NHLRC2: variants seen among roughly 807,000 people sequenced by gnomAD.
The protein encoded by NHLRC2 is NHL repeat-containing protein 2.
A neutral mutation model predicts 68.1 loss-of-function variants in NHLRC2; 33 were observed. The ratio of observed to expected loss-of-function variants is 0.48; its 90% CI spans 0.37 to 0.65. The LOEUF (loss-of-function observed/expected upper bound fraction) is 0.65, where lower values mean the gene tolerates loss of function less well. NHLRC2 is among the 30% of genes least tolerant of loss of function. NHLRC2 has a pLI of 0.00. For missense variants in NHLRC2, 761 were observed against 853.8 expected (o/e 0.89, Z 1.35); for synonymous variants, 311 against 309.6 (o/e 1.00, Z -0.05).
rs144243481 is a variant in NHLRC2, at chr10:113,865,525, G to A, written c.331+6845G>A. Among the ~76,000 whole-genome samples the A allele has an allele frequency of 5.1e-3, 756 of 148,034 alleles. 4 individuals carry two copies. The highest frequency in any genetic ancestry group is 0.018 in the African/African-American group (713 of 40,256). On this transcript the variant is annotated intron_variant, in intron 2 of 10. Transcript: ENST00000369301. ...GAAAAAAGGAAAAGCACGAGAAATA[G>A]TTGAGAATGCCATTGTGATAAGTGT...
In NHLRC2 at chr10:113,880,590, C is replaced by A. The variant is rs142137829; in HGVS notation, c.909+895C>A. 1.2e-3 allele frequency among the ~76,000 whole-genome samples: 183 copies of A among 151,870 alleles called. 4 individuals are homozygous for A. The East Asian group carries it at 0.03, about 25-fold the overall frequency. The stretch of plus-strand genomic sequence containing the variant: ...TTCTCACTGTTTCTTTCAGTATTGA[C>A]ATTTATTCTCATTTATTTGACAATA... On this transcript the variant is annotated intron_variant, in intron 4 of 10. Transcript: ENST00000369301.
At position 113,862,029 on chromosome 10, in the gene NHLRC2, C is replaced by T. The variant is rs191721435; in HGVS notation, c.331+3349C>T. On this transcript the variant is annotated intron_variant, in intron 2 of 10. Coordinates refer to ENST00000369301, the MANE Select transcript of NHLRC2 (RefSeq NM_198514.4). ...CTGGGATTACAGGTGCCTGCGACCA[C>T]GCCCAGCTACTTTTTGTATTTTTTT... is the stretch of plus-strand genomic sequence containing the variant. Among the ~76,000 whole-genome samples, 39 of 152,050 alleles carry T rather than the reference C, an allele frequency of 2.6e-4. 1 individual carries two copies. Among genetic ancestry groups the T allele is most frequent in the East Asian group, 1.8e-3 (9 of 5,138 alleles).
At chr10:113,900,489 T>A (rs944708455) in intron 6 of NHLRC2, among the ~76,000 whole-genome samples, 7 of 152,186 alleles carry the variant, frequency 4.6e-5, no homozygotes, top group Non-Finnish European at 1.0e-4. Flanking sequence ...AATAGGAAAT[T>A]GGCACTAGGA....
At position 113,909,407 on chromosome 10, in the gene NHLRC2, A is replaced by G. The variant is rs1301352586; in HGVS notation, c.*871A>G. On this transcript the variant is annotated 3_prime_UTR_variant, in exon 11 of 11. Coordinates refer to ENST00000369301, the MANE Select transcript of NHLRC2 (RefSeq NM_198514.4). ...TACATATCTTGTTTTGGAAATGTAC[A>G]TTTCACTTGTAAGCATTAAATGCAG... 1 of 152,128 alleles carries G rather than the reference A, an allele frequency of 6.6e-6. No homozygotes were observed. Among genetic ancestry groups the G allele is most frequent in the South Asian group, 2.1e-4 (1 of 4,830 alleles). 9.4% of individuals were successfully genotyped at this position (152,128 alleles called of 1,614,324 possible). A position where few individuals can be genotyped will look rare whatever the true frequency, so the allele number is the denominator to read the frequency against.
chr10:113,855,225 A>G (rs940970575), intron 1 of NHLRC2, among the ~76,000 whole-genome samples, 175 bp downstream of exon 1: 3 of 152,250 alleles, frequency 2.0e-5, no homozygotes, highest in South Asian at 2.1e-4. Flanking sequence ...GGGGTCCCCA[A>G]GCGGCCACCG....
chr10:113,881,928 T>C (rs1288282579), intron 4 of NHLRC2, among the ~76,000 whole-genome samples: 1 of 151,802 alleles, frequency 6.6e-6, no homozygotes, highest in East Asian at 1.9e-4. Context: ...TTTCCAAACA[T>C]TTTATTAAAT....
Position 113,884,396 on chromosome 10 carries a change from A to T in NHLRC2, c.1039+16A>T. On this transcript the variant is annotated intron_variant, in intron 5 of 10. Coordinates refer to ENST00000369301, the MANE Select transcript of NHLRC2 (RefSeq NM_198514.4). The stretch of plus-strand genomic sequence containing the variant: ...GGAACATCAGGTATGTGAACTTTTG[A>T]TATTAAATGTAAAGGTAAATTTTAC... The T allele has an allele frequency of 6.3e-7, 1 of 1,598,448 alleles. No homozygotes were observed. The highest frequency in any genetic ancestry group is 8.5e-7 in the Non-Finnish European group (1 of 1,169,834).
At chr10:113,870,164 G>A (rs1389317579) in intron 2 of NHLRC2, among the ~76,000 whole-genome samples, 4 of 152,214 alleles carry the variant, frequency 2.6e-5, no homozygotes, top group Middle Eastern at 3.4e-3. Context: ...ATTAAATTAT[G>A]TTATTCATCT....
intron 5 of NHLRC2, among the ~76,000 whole-genome samples, chr10:113,895,950 GAACCT>G (rs1846172848): frequency 2.0e-5 from 3 of 152,044 alleles, no homozygotes; most frequent in African/African-American, 7.3e-5. Flanking sequence ...AAAAATATTT[GAACCT>G]CCACAATGAG....
chr10:113,910,174 C>G lies in NHLRC2; in HGVS notation c.*1638C>G, dbSNP rs1424545562. On this transcript the variant is annotated 3_prime_UTR_variant, in exon 11 of 11. Transcript: ENST00000369301. ...CTGTAATAAAAGGGTGTATAACATA[C>G]TCTCTTTTATGAGAATAGGCCTTAG... 1 of 152,144 alleles carries G rather than the reference C, an allele frequency of 6.6e-6. No homozygotes were observed. The highest frequency in any genetic ancestry group is 1.5e-5 in the Non-Finnish European group (1 of 68,032). The allele number at this position is 152,144 out of a possible 1,614,324, so 9.4% of individuals were successfully genotyped here.
In NHLRC2 at chr10:113,910,291, C is replaced by T. The variant is rs1318609597; in HGVS notation, c.*1755C>T. 1 of 152,278 alleles carries T rather than the reference C, an allele frequency of 6.6e-6. No homozygotes were observed. Among genetic ancestry groups the T allele is most frequent in the Non-Finnish European group, 1.5e-5 (1 of 68,102 alleles). 9.4% of individuals were successfully genotyped at this position (152,278 alleles called of 1,614,324 possible). On this transcript the variant is annotated 3_prime_UTR_variant, in exon 11 of 11. Coordinates refer to ENST00000369301, the MANE Select transcript of NHLRC2 (RefSeq NM_198514.4). Reference sequence around the variant, plus strand: ...TCTTGGCTCACTGCAACCTCTACCTCCTGGGTTCAAGAGATTTTCCTGCCT... The same window carrying T: ...TCTTGGCTCACTGCAACCTCTACCTTCTGGGTTCAAGAGATTTTCCTGCCT...
In NHLRC2 at chr10:113,916,430, T is replaced by TTAA. The variant is rs1379423297; in HGVS notation, c.*7900_*7902dup. On this transcript the variant is annotated 3_prime_UTR_variant, in exon 11 of 11. Coordinates refer to ENST00000369301, the MANE Select transcript of NHLRC2 (RefSeq NM_198514.4). ...GTAGTATTTTTTTCCGTAGCATTTC[T>TTAA]TAATAATAGCTCAGTTTTTAAAGGA... The TTAA allele has an allele frequency of 2.5e-4, 38 of 152,356 alleles. No individual in the cohort carries two copies. Among genetic ancestry groups the TTAA allele is most frequent in the African/African-American group, 8.9e-4 (37 of 41,580 alleles). 9.4% of individuals were successfully genotyped at this position (152,356 alleles called of 1,614,324 possible).
intron 5 of NHLRC2, among the ~76,000 whole-genome samples, chr10:113,889,060 C>G (rs930116772): frequency 1.3e-5 from 2 of 152,064 alleles, no homozygotes; most frequent in African/African-American, 4.8e-5. Flanking sequence ...CTCCTGACCT[C>G]TAGTGATTTG....
At chr10:113,887,942 A>G (rs952766886) in intron 5 of NHLRC2, among the ~76,000 whole-genome samples, 4 of 152,178 alleles carry the variant, frequency 2.6e-5, no homozygotes, top group South Asian at 4.2e-4. Context: ...AAAAATGTCA[A>G]TCTTAGGCCG....
intron 2 of NHLRC2, among the ~76,000 whole-genome samples, chr10:113,862,275 A>C (rs747269241): frequency 1.3e-5 from 2 of 152,174 alleles, no homozygotes; most frequent in African/African-American, 4.8e-5. Flanking sequence ...GGGGCCATCA[A>C]CAACTGAAAG....
In NHLRC2 at chr10:113,868,989, T is replaced by G. The variant is rs562946502; in HGVS notation, c.332-7532T>G. Among the ~76,000 whole-genome samples, 7 of 152,148 alleles carry G rather than the reference T, an allele frequency of 4.6e-5. No homozygotes were observed. The South Asian group carries it at 1.5e-3, about 32-fold the overall frequency. On this transcript the variant is annotated intron_variant, in intron 2 of 10. Coordinates refer to ENST00000369301, the MANE Select transcript of NHLRC2 (RefSeq NM_198514.4). ...GAGTGTGGAGAAGATACTGGAGAGA[T>G]GAGATTTGTTATACTAGGAACAATT...
intron 5 of NHLRC2, among the ~76,000 whole-genome samples, chr10:113,896,234 T>G (rs1448578644): frequency 6.6e-6 from 1 of 152,052 alleles, no homozygotes; most frequent in African/African-American, 2.4e-5. Context: ...TATTGCGGCA[T>G]TATTCACAAT....
Position 113,914,894 on chromosome 10 carries a change from C to T in NHLRC2, c.*6358C>T. The T allele has an allele frequency of 4.7e-6, 2 of 424,296 alleles. No homozygotes were observed. Among genetic ancestry groups the T allele is most frequent in the South Asian group, 3.4e-5 (2 of 58,066 alleles). 26.3% of individuals were successfully genotyped at this position (424,296 alleles called of 1,614,324 possible). ...CTTTACTAATCTACCTATATGTATT[C>T]CATGGCTAACAAACCCTGGCCCCTT... On this transcript the variant is annotated 3_prime_UTR_variant, in exon 11 of 11. Transcript: ENST00000369301.
intron 2 of NHLRC2, among the ~76,000 whole-genome samples, chr10:113,864,439 C>A (rs911490158): frequency 6.6e-6 from 1 of 152,108 alleles, no homozygotes; most frequent in African/African-American, 2.4e-5. Flanking sequence ...GTGTCTCACG[C>A]CTATAATCCC....
Sources: gnomAD v4.1 joint callset for allele counts (sites outside exome capture counted in the v4.1 genomes callset) on GRCh38, gnomAD v4.1.1 for gene constraint, MANE v1.5 for transcripts, NCBI Gene and HGNC (gene_info 2026-07-23, HGNC 2026-07-21) for gene names.